Variants in STAG1 observed in about 807,000 individuals in gnomAD.
STAG1 encodes STAG1 cohesin complex component.
Under a neutral mutation model 170.9 loss-of-function variants are expected in STAG1, and 26 were observed. The observed-to-expected ratio is 0.15, with a 90% CI of 0.11 to 0.21. STAG1 has a LOEUF of 0.21. Among genes scored for constraint, STAG1 ranks in the 10% least tolerant of loss-of-function variants. STAG1 has a pLI of 1.00. For synonymous variants in STAG1, 514 were observed against 497.7 expected (o/e 1.03, Z -0.44); for missense variants, 964 against 1,509.5 (o/e 0.64, Z 5.99).
chr3:136,607,395 A>ATTTGT (rs1295809959), intron 3 of STAG1, among the ~76,000 whole-genome samples: 3 of 151,812 alleles, frequency 2.0e-5, no homozygotes, highest in Non-Finnish European at 4.4e-5. Flanking sequence ...ATTCAATACT[A>ATTTGT]TTTGTTTTGT....
intron 21 of STAG1, among the ~76,000 whole-genome samples, chr3:136,399,991 C>T (rs977086560): frequency 1.1e-4 from 16 of 151,934 alleles, no homozygotes; most frequent in Admixed American, 5.9e-4. Context: ...GGTGTGATCA[C>T]GGCTCACTGC....
chr3:136,528,668 A>G (rs1297649765), intron 6 of STAG1, among the ~76,000 whole-genome samples: 1 of 152,060 alleles, frequency 6.6e-6, no homozygotes, highest in East Asian at 1.9e-4. Flanking sequence ...AAAGGAACCA[A>G]GTCAGGCGCA....
chr3:136,354,764 A>AAAAAAAAAAAAAAC (rs1936575320), intron 28 of STAG1, among the ~76,000 whole-genome samples: 1 of 146,510 alleles, frequency 6.8e-6, no homozygotes, highest in Non-Finnish European at 1.5e-5. Context: ...CAAAAAAAAA[A>AAAAAAAAAAAAAAC]AAAACCAAAA....
At chr3:136,569,847 T>A (rs9289512) in intron 4 of STAG1, among the ~76,000 whole-genome samples, 152,076 of 152,138 alleles carry the variant, frequency 1, 76,007 homozygotes, top group Middle Eastern at 1. Context: ...TACAGGATAT[T>A]AAAAAAAGAC....
At chr3:136,431,716 T>G (rs1201605336) in intron 16 of STAG1, among the ~76,000 whole-genome samples, 5 of 152,240 alleles carry the variant, frequency 3.3e-5, no homozygotes, top group Non-Finnish European at 7.3e-5. Context: ...TTGGCCATTT[T>G]GTTGACTTTC....
intron 4 of STAG1, among the ~76,000 whole-genome samples, chr3:136,600,806 T>A (rs1474229261): frequency 6.6e-6 from 1 of 152,180 alleles, no homozygotes; most frequent in Non-Finnish European, 1.5e-5. Context: ...ATGCTGGGAT[T>A]ACAGGCGTGA....
At position 136,591,342 on chromosome 3, in the gene STAG1, AGAAGGAAG is replaced by A. The variant is rs1169106867; in HGVS notation, c.297+12959_297+12966del. 2.6e-5 allele frequency: 4 copies of A among 154,498 alleles called. No individual in the cohort carries two copies. The Middle Eastern group carries it at 0.013, about 502-fold the overall frequency. 9.6% of individuals were successfully genotyped at this position (154,498 alleles called of 1,614,324 possible). A position where few individuals can be genotyped will look rare whatever the true frequency, so the allele number is the denominator to read the frequency against. ...AAGAAGTAAGGAAGTAAGGAGGGAA[AGAAGGAAG>A]GAAGGAAGAAAGGAAGGAAGGAAGG... On this transcript the variant is annotated intron_variant, in intron 4 of 33. Coordinates refer to ENST00000383202, the MANE Select transcript of STAG1 (RefSeq NM_005862.3).
At chr3:136,465,245 A>G (rs1340093975) in intron 12 of STAG1, among the ~76,000 whole-genome samples, 1 of 139,680 alleles carries the variant, frequency 7.2e-6, no homozygotes, top group Admixed American at 7.6e-5. Flanking sequence ...TTTGAGACAG[A>G]GTCTTGCTCT....
intron 12 of STAG1, among the ~76,000 whole-genome samples, chr3:136,470,678 T>C (rs1480594642): frequency 1.3e-5 from 2 of 152,190 alleles, no homozygotes; most frequent in Non-Finnish European, 2.9e-5. Flanking sequence ...TTAAGACACA[T>C]GCATACATAT....
intron 14 of STAG1, among the ~76,000 whole-genome samples, chr3:136,450,030 A>G (rs2088893514): frequency 6.6e-6 from 1 of 151,564 alleles, no homozygotes; most frequent in Non-Finnish European, 1.5e-5. Flanking sequence ...CCAAGTAGCC[A>G]CCATGTCTGG....
chr3:136,552,205 A>G lies in STAG1; in HGVS notation c.395-10010T>C, dbSNP rs187295333. Reference sequence around the variant, plus strand: ...CAAAACCTATGAAAGCAGAAATTACATTACAACAATATACAAAGTAAATAT... The same window carrying G: ...CAAAACCTATGAAAGCAGAAATTACGTTACAACAATATACAAAGTAAATAT... On this transcript the variant is annotated intron_variant, in intron 5 of 33. Transcript: ENST00000383202. 1.2e-3 allele frequency among the ~76,000 whole-genome samples: 178 copies of G among 152,350 alleles called. 1 individual carries two copies. The highest frequency in any genetic ancestry group is 4.1e-3 in the African/African-American group (170 of 41,586).
At chr3:136,363,498 A>G (rs1936953433) in intron 25 of STAG1, 31 bp from the exon 26 acceptor site, 1 of 970,588 alleles carries the variant, frequency 1.0e-6, no homozygotes, top group Admixed American at 2.4e-5. Flanking sequence ...ACATGGCTTT[A>G]AAATTACTGA....
chr3:136,387,791 G>A (rs2086909818), intron 22 of STAG1, among the ~76,000 whole-genome samples: 1 of 152,154 alleles, frequency 6.6e-6, no homozygotes, highest in Admixed American at 6.5e-5. Flanking sequence ...ATCCACTTAT[G>A]ATCCAGGAAC....
intron 1 of STAG1, among the ~76,000 whole-genome samples, chr3:136,709,087 C>A (rs1943312887): frequency 6.8e-6 from 1 of 147,544 alleles, no homozygotes; most frequent in African/African-American, 2.5e-5. Context: ...GTCAGGGGTT[C>A]AAGACCAGCC....
chr3:136,716,955 G>A (rs1350912053), intron 1 of STAG1, among the ~76,000 whole-genome samples: 2 of 152,146 alleles, frequency 1.3e-5, no homozygotes, highest in Non-Finnish European at 2.9e-5. Flanking sequence ...TCACAGTTAC[G>A]AATTGTGGTT....
intron 5 of STAG1, among the ~76,000 whole-genome samples, chr3:136,557,445 C>T (rs114936884): frequency 1.4e-3 from 216 of 152,312 alleles, no homozygotes; most frequent in African/African-American, 4.8e-3. Context: ...CTAACCTATA[C>T]ATAACTAACT....
intron 6 of STAG1, among the ~76,000 whole-genome samples, chr3:136,529,604 G>A (rs1935262961): frequency 6.6e-6 from 1 of 152,080 alleles, no homozygotes; most frequent in African/African-American, 2.4e-5. Flanking sequence ...CAAAAGCTAA[G>A]GAAATCCATC....
intron 22 of STAG1, among the ~76,000 whole-genome samples, chr3:136,387,899 G>C (rs1409173117): frequency 6.6e-6 from 1 of 152,292 alleles, no homozygotes; most frequent in South Asian, 2.1e-4. Flanking sequence ...AGGAACAGGG[G>C]AAAAGCAGTG....
At chr3:136,636,197 G>A (rs569197022) in intron 1 of STAG1, among the ~76,000 whole-genome samples, 1 of 151,642 alleles carries the variant, frequency 6.6e-6, no homozygotes, top group African/African-American at 2.4e-5. Context: ...GCAGTGAGCC[G>A]AGACCACGCC....
Sources: allele counts gnomAD v4.1 joint callset (sites outside exome capture counted in the v4.1 genomes callset), GRCh38; gene constraint gnomAD v4.1.1; transcripts MANE v1.5; gene names NCBI Gene and HGNC (gene_info 2026-07-23, HGNC 2026-07-21).